Variants in NOX3 observed in about 807,000 individuals in gnomAD.
NOX3 encodes the protein NADPH oxidase catalytic subunit-like 3.
Under a neutral mutation model 76.7 loss-of-function variants are expected in NOX3, and 74 were observed. The ratio of observed to expected loss-of-function variants is 0.96; its 90% CI spans 0.80 to 1.17. NOX3 has a LOEUF of 1.17. Ranked by LOEUF, NOX3 falls within the 50% of genes most tolerant of loss-of-function variation. The pLI, the probability that NOX3 is intolerant of heterozygous loss-of-function variation, is 0.00. For missense variants in NOX3, 695 were observed against 703.3 expected, an observed-to-expected ratio of 0.99 and a Z score of 0.13; for synonymous variants, 263 against 261.1, an observed-to-expected ratio of 1.01 and a Z score of -0.07.
At chr6:155,442,236 C>T (rs1380993450) in intron 5 of NOX3, among the ~76,000 whole-genome samples, 1 of 151,976 alleles carries the variant, frequency 6.6e-6, no homozygotes. Context: ...TGCACTCCAG[C>T]TCTGGCAACA....
At chr6:155,397,698 A>T (rs1236161782) in intron 12 of NOX3, among the ~76,000 whole-genome samples, 1 of 152,240 alleles carries the variant, frequency 6.6e-6, no homozygotes, top group East Asian at 1.9e-4. Flanking sequence ...AAAGGGTTTT[A>T]AAAAGGTTAG....
rs577161406 is a variant in NOX3 at position 155,411,175 on chromosome 6, G to T, written c.1455+39C>A. 90 of 1,587,776 alleles carry T rather than the reference G, an allele frequency of 5.7e-5. 1 individual carries two copies. The South Asian group carries it at 9.6e-4, about 17-fold the overall frequency. Reference sequence around the variant, plus strand: ...ATTGTTCCTCATTGCTATTAGATGAGTTCAGCAATATTGCTTATTCTCAGA... The same window carrying T: ...ATTGTTCCTCATTGCTATTAGATGATTTCAGCAATATTGCTTATTCTCAGA... On this transcript the variant is annotated intron_variant, in intron 11 of 13. Coordinates refer to ENST00000159060, the MANE Select transcript of NOX3 (RefSeq NM_015718.3).
chr6:155,447,212 T>A (rs1487688483), intron 4 of NOX3, among the ~76,000 whole-genome samples: 1 of 152,028 alleles, frequency 6.6e-6, no homozygotes, highest in African/African-American at 2.4e-5. Flanking sequence ...GCCCAGCTAA[T>A]TTTTAGTAGA....
chr6:155,402,647 C>T (rs1779246651), intron 12 of NOX3, among the ~76,000 whole-genome samples: 1 of 152,114 alleles, frequency 6.6e-6, no homozygotes, highest in Non-Finnish European at 1.5e-5. Flanking sequence ...TCCCTTCAAG[C>T]TTTATTTTTG....
chr6:155,401,591 A>G (rs1779227471), intron 12 of NOX3, among the ~76,000 whole-genome samples: 1 of 152,252 alleles, frequency 6.6e-6, no homozygotes, highest in African/African-American at 2.4e-5. Flanking sequence ...TACTCAATTT[A>G]GTATAAAGGT....
chr6:155,419,009 A>G (rs1335983217), intron 10 of NOX3, among the ~76,000 whole-genome samples: 3 of 152,262 alleles, frequency 2.0e-5, no homozygotes, highest in Non-Finnish European at 4.4e-5. Context: ...GGACAATCTG[A>G]AAACTATAGT....
Position 155,411,349 on chromosome 6 carries a change from G to T in NOX3, c.1320C>A (p.Tyr440Ter). The change falls in exon 11 of 14, where the codon TAC becomes TAA. Residue 440 changes from tyrosine (Y) to a stop codon, truncating the protein, a stop_gained. Transcript: ENST00000159060. LOFTEE classifies it high-confidence loss of function. ...TPLKLSKVYF[Y>*]WICRDARAFE... The stretch of plus-strand genomic sequence containing the variant: ...AAGCTCTTGCATCCCGGCAAATCCA[G>T]TAGAAATACACCTGTCAAGAGAGAA... 9 of 1,613,488 alleles carry T rather than the reference G, an allele frequency of 5.6e-6. No homozygotes were observed. Among genetic ancestry groups the T allele is most frequent in the Non-Finnish European group, 7.6e-6 (9 of 1,179,706 alleles).
intron 5 of NOX3, among the ~76,000 whole-genome samples, chr6:155,441,360 C>T (rs1384899529): frequency 1.3e-5 from 2 of 152,146 alleles, no homozygotes; most frequent in African/African-American, 4.8e-5. Flanking sequence ...ATGTCTCAAA[C>T]ATTTAAAATA....
At chr6:155,422,277 A>G (rs1323510646) in intron 10 of NOX3, among the ~76,000 whole-genome samples, 1 of 152,184 alleles carries the variant, frequency 6.6e-6, no homozygotes, top group Non-Finnish European at 1.5e-5. Context: ...ATAAATCCCA[A>G]TTGTGGCTTC....
intron 4 of NOX3, among the ~76,000 whole-genome samples, chr6:155,445,981 C>CTATATATATATATATATGCTATA (rs61040526): frequency 9.6e-6 from 1 of 104,200 alleles, no homozygotes; most frequent in South Asian, 2.7e-4. Context: ...TATATATATG[C>CTATATATATATATATATGCTATA]TATATATATA....
chr6:155,422,456 C>T (rs1434758230), intron 10 of NOX3, among the ~76,000 whole-genome samples: 1 of 152,158 alleles, frequency 6.6e-6, no homozygotes, highest in Non-Finnish European at 1.5e-5. Flanking sequence ...AATTACATGT[C>T]CTGTAATGGC....
At chr6:155,428,582 T>C (rs542965921) in intron 9 of NOX3, among the ~76,000 whole-genome samples, 3 of 137,016 alleles carry the variant, frequency 2.2e-5, no homozygotes, top group African/African-American at 8.3e-5. Context: ...ATTAGTCTTT[T>C]TTTCTTTTTT....
At chr6:155,444,852 A>G (rs1777040666) in intron 4 of NOX3, among the ~76,000 whole-genome samples, 1 of 152,204 alleles carries the variant, frequency 6.6e-6, no homozygotes, top group Non-Finnish European at 1.5e-5. Context: ...GGACTACTCT[A>G]TATGTATATA....
chr6:155,411,103 A>C lies in NOX3; in HGVS notation c.1455+111T>G, dbSNP rs1776543559. 5 of 807,934 alleles carry C rather than the reference A, an allele frequency of 6.2e-6. No individual in the cohort carries two copies. The Admixed American group carries it at 1.6e-4, about 25-fold the overall frequency. The allele number at this position is 807,934 out of a possible 1,614,324, so 50.0% of individuals were successfully genotyped here. ...TCTCCTTTCCCTTTTAAGAACATAA[A>C]AATAATTCTGTCATGCTATCAGAGT... is the stretch of plus-strand genomic sequence containing the variant. On this transcript the variant is annotated intron_variant, in intron 11 of 13. Coordinates refer to ENST00000159060, the MANE Select transcript of NOX3 (RefSeq NM_015718.3).
chr6:155,429,495 A>C (rs1776804153), intron 8 of NOX3, among the ~76,000 whole-genome samples: 1 of 152,250 alleles, frequency 6.6e-6, no homozygotes, highest in South Asian at 2.1e-4. Flanking sequence ...CTTGTGAATT[A>C]ACCCTCTTAT....
intron 4 of NOX3, among the ~76,000 whole-genome samples, chr6:155,447,777 C>T (rs1480990642): frequency 6.6e-6 from 1 of 152,174 alleles, no homozygotes; most frequent in Non-Finnish European, 1.5e-5. Context: ...ATTTTATTTT[C>T]CTCTTAGATC....
At chr6:155,414,623 C>CTTTTT (rs72348061) in intron 10 of NOX3, among the ~76,000 whole-genome samples, 233 of 113,716 alleles carry the variant, frequency 2.0e-3, no homozygotes, top group African/African-American at 2.6e-3. Flanking sequence ...TCTTTTCTTT[C>CTTTTT]TTTTTTTTTT....
chr6:155,451,611 CT>C (rs1443078781), intron 4 of NOX3, among the ~76,000 whole-genome samples: 1 of 151,948 alleles, frequency 6.6e-6, no homozygotes, highest in Non-Finnish European at 1.5e-5. Context: ...TTATTCTTTG[CT>C]TTCTTTTCTG....
At chr6:155,436,727 G>A (rs1776909894) in intron 6 of NOX3, among the ~76,000 whole-genome samples, 180 bp from the exon 7 acceptor site, 1 of 152,174 alleles carries the variant, frequency 6.6e-6, no homozygotes, top group Non-Finnish European at 1.5e-5. Context: ...CATTTAAGAA[G>A]CTTCGAGTAA....
Sources: allele counts gnomAD v4.1 joint callset (sites outside exome capture counted in the v4.1 genomes callset), GRCh38; gene constraint gnomAD v4.1.1; transcripts MANE v1.5; gene names NCBI Gene and HGNC (gene_info 2026-07-23, HGNC 2026-07-21).